Variants in RARS2 observed in about 807,000 individuals in gnomAD.
RARS2 encodes the protein probable arginine--tRNA ligase, mitochondrial.
In RARS2, 67 loss-of-function variants were observed where a neutral mutation model predicts 88.5. The observed-to-expected ratio is 0.76, with a 90% CI of 0.62 to 0.93. RARS2 has a LOEUF of 0.93. RARS2 is among the 40% of genes least tolerant of loss of function. RARS2 has a pLI of 0.00. For missense variants in RARS2, 664 were observed against 684.2 expected, an observed-to-expected ratio of 0.97 and a Z score of 0.33; for synonymous variants, 239 against 230.3, an observed-to-expected ratio of 1.04 and a Z score of -0.34.
At chr6:87,524,388 G>A (rs1005789312) in intron 11 of RARS2, among the ~76,000 whole-genome samples, 169 bp downstream of exon 11, 9 of 152,300 alleles carry the variant, frequency 5.9e-5, no homozygotes, top group Admixed American at 5.2e-4. Context: ...TCCTGCCAAC[G>A]TGCCATTGTA....
chr6:87,541,722 G>T (rs1781026903), intron 8 of RARS2, among the ~76,000 whole-genome samples, 196 bp downstream of exon 8: 1 of 152,120 alleles, frequency 6.6e-6, no homozygotes, highest in Non-Finnish European at 1.5e-5. Context: ...TACTTGGGAG[G>T]CTGAGGCATG....
At chr6:87,523,261 T>C (rs1562074919) in intron 11 of RARS2, among the ~76,000 whole-genome samples, 1 of 152,222 alleles carries the variant, frequency 6.6e-6, no homozygotes, top group African/African-American at 2.4e-5. Context: ...CTAGGTCATT[T>C]AGTCCAGATC....
At chr6:87,540,542 T>C (rs1458100236) in intron 8 of RARS2, among the ~76,000 whole-genome samples, 2 of 151,618 alleles carry the variant, frequency 1.3e-5, no homozygotes, top group African/African-American at 2.4e-5. Flanking sequence ...AGGAAAATGA[T>C]GAAGCACCCT....
chr6:87,544,456 A>C (rs140970505), intron 7 of RARS2, among the ~76,000 whole-genome samples: 4 of 152,258 alleles, frequency 2.6e-5, no homozygotes, highest in Non-Finnish European at 5.9e-5. Context: ...AAATAAGAAC[A>C]TAAGACAGGA....
chr6:87,536,284 AATG>A (rs1242147709), intron 8 of RARS2, among the ~76,000 whole-genome samples: 1 of 152,206 alleles, frequency 6.6e-6, no homozygotes, highest in Non-Finnish European at 1.5e-5. Context: ...GGTAAAAGTA[AATG>A]ATGACACCCT....
At chr6:87,544,579 T>C (rs1194702429) in intron 7 of RARS2, among the ~76,000 whole-genome samples, 2 of 152,218 alleles carry the variant, frequency 1.3e-5, no homozygotes, top group Non-Finnish European at 2.9e-5. Flanking sequence ...CTAGAGCTGT[T>C]TCTTAAAATA....
intron 11 of RARS2, among the ~76,000 whole-genome samples, chr6:87,524,088 T>C (rs1774892323): frequency 6.6e-6 from 1 of 152,346 alleles, no homozygotes; most frequent in African/African-American, 2.4e-5. Flanking sequence ...TGACCTAATA[T>C]AAAATTCTGG....
rs749357809 is a variant in RARS2, at chr6:87,548,597, T to C, written c.445A>G (p.Ile149Val). Residue 149 changes from isoleucine to valine, a missense_variant, in exon 6 of 20, where the codon ATC becomes GTC. Coordinates refer to ENST00000369536, the MANE Select transcript of RARS2 (RefSeq NM_020320.5). Reference protein sequence around the residue: ...KFHVGHLRSTIIGNFIANLKE... With the variant: ...KFHVGHLRSTVIGNFIANLKE... ...TGTGAAACTAAACACTTACCTATGA[T>C]GGTAGAACGCAAATGTCCAACATGA... is the stretch of plus-strand genomic sequence containing the variant. The C allele has an allele frequency of 8.7e-6, 14 of 1,612,846 alleles. No homozygotes were observed. The Admixed American group carries it at 1.0e-4, about 12-fold the overall frequency.
chr6:87,539,287 C>G (rs973063973), intron 8 of RARS2, among the ~76,000 whole-genome samples: 1 of 152,156 alleles, frequency 6.6e-6, no homozygotes, highest in Non-Finnish European at 1.5e-5. Context: ...GGTTCCCCTT[C>G]AAAGACACTT....
At chr6:87,560,985 A>C (rs1787681833) in intron 4 of RARS2, among the ~76,000 whole-genome samples, 2 of 152,234 alleles carry the variant, frequency 1.3e-5, no homozygotes, top group African/African-American at 4.8e-5. Context: ...TAGCACATAC[A>C]ATTATGTACA....
chr6:87,521,472 T>A lies in RARS2; in HGVS notation c.1027A>T (p.Ile343Leu). The A allele has an allele frequency of 6.2e-7, 1 of 1,605,472 alleles. No individual in the cohort carries two copies. The highest frequency in any genetic ancestry group is 8.5e-7 in the Non-Finnish European group (1 of 1,172,540). Residue 343 changes from isoleucine (I) to leucine (L), a missense_variant, in exon 12 of 20, where the codon ATA (isoleucine) becomes TTA (leucine). Ile to Leu is a conservative substitution (Grantham distance 5). Transcript: ENST00000369536. ...RMDKYNFDTMIYVTDKGQKKH... is the reference protein window; with the variant it reads ...RMDKYNFDTMLYVTDKGQKKH... ...TTGTTCTGATTACTTACCACATATATCATTGTATCAAAATTATACTTGTCC... is the reference window on the plus strand; with the variant it reads ...TTGTTCTGATTACTTACCACATATAACATTGTATCAAAATTATACTTGTCC...
intron 5 of RARS2, among the ~76,000 whole-genome samples, chr6:87,554,492 G>A (rs1364578869): frequency 6.6e-6 from 1 of 152,150 alleles, no homozygotes; most frequent in African/African-American, 2.4e-5. Context: ...GGGTCTTGGT[G>A]TGTCTTACCA....
intron 17 of RARS2, among the ~76,000 whole-genome samples, chr6:87,517,222 G>T (rs1251512534): frequency 1.3e-5 from 2 of 152,134 alleles, no homozygotes; most frequent in African/African-American, 4.8e-5. Flanking sequence ...AGGTTTCAGT[G>T]AGCCGAGATC....
chr6:87,568,490 A>C (rs1417965601), intron 2 of RARS2, among the ~76,000 whole-genome samples: 2 of 152,204 alleles, frequency 1.3e-5, no homozygotes, highest in East Asian at 3.8e-4. Flanking sequence ...ACAGAATGAG[A>C]CCTGGTCTCA....
At chr6:87,569,316 T>C (rs571894582) in intron 2 of RARS2, among the ~76,000 whole-genome samples, 1 of 152,306 alleles carries the variant, frequency 6.6e-6, no homozygotes, top group African/African-American at 2.4e-5. Context: ...CAATCTGCCA[T>C]ATCAGAGTAT....
intron 1 of RARS2, among the ~76,000 whole-genome samples, chr6:87,577,513 T>G (rs1315598209): frequency 6.6e-6 from 1 of 152,186 alleles, no homozygotes; most frequent in African/African-American, 2.4e-5. Context: ...CTAAACATGG[T>G]AATTTTCTAA....
Position 87,519,711 on chromosome 6 carries a change from A to G in RARS2, c.1113-4T>C. Reference sequence around the variant, plus strand: ...TCCAAAGGGCACGTGCTGGCACCTAAAAGAGTGGGCATCTAGTTAACTGAA... The same window carrying G: ...TCCAAAGGGCACGTGCTGGCACCTAGAAGAGTGGGCATCTAGTTAACTGAA... On this transcript the variant is annotated splice_polypyrimidine_tract_variant and splice_region_variant and intron_variant, in intron 13 of 19. Coordinates refer to ENST00000369536, the MANE Select transcript of RARS2 (RefSeq NM_020320.5). 6.2e-7 allele frequency: 1 copy of G among 1,613,966 alleles called. No individual in the cohort carries two copies. The highest frequency in any genetic ancestry group is 8.5e-7 in the Non-Finnish European group (1 of 1,179,880).
chr6:87,560,155 T>G (rs1233733624), intron 4 of RARS2, among the ~76,000 whole-genome samples: 1 of 152,224 alleles, frequency 6.6e-6, no homozygotes, highest in Non-Finnish European at 1.5e-5. Flanking sequence ...CTAATTATCT[T>G]TTTACATAGC....
At position 87,541,203 on chromosome 6, in the gene RARS2, G is replaced by T. The variant is rs74690073; in HGVS notation, c.612+715C>A. On this transcript the variant is annotated intron_variant, in intron 8 of 19. Coordinates refer to ENST00000369536, the MANE Select transcript of RARS2 (RefSeq NM_020320.5). ...ACATTTTCTTTCTTTCTGAGACAGGGTCTTGCTCTGTTGTCCAGGCTGGAG... is the reference window on the plus strand; with the variant it reads ...ACATTTTCTTTCTTTCTGAGACAGGTTCTTGCTCTGTTGTCCAGGCTGGAG... Among the ~76,000 whole-genome samples the T allele has an allele frequency of 6.6e-5, 10 of 152,220 alleles. No homozygotes were observed. In the East Asian group the frequency reaches 1.9e-3, roughly 29 times the overall value.
Sources: gnomAD v4.1 joint callset for allele counts (sites outside exome capture counted in the v4.1 genomes callset) on GRCh38, gnomAD v4.1.1 for gene constraint, MANE v1.5 for transcripts, NCBI Gene and HGNC (gene_info 2026-07-23, HGNC 2026-07-21) for gene names.